IFT122: variants seen among roughly 807,000 people sequenced by gnomAD.
IFT122 encodes the protein intraflagellar transport protein 122 homolog.
IFT122 carries 118 observed loss-of-function variants against 161.6 expected under a neutral mutation model. The observed-to-expected ratio is 0.73, with a 90% CI of 0.63 to 0.85. The LOEUF (loss-of-function observed/expected upper bound fraction) is 0.85, where lower values mean the gene tolerates loss of function less well. IFT122 is among the 40% of genes least tolerant of loss of function. The pLI, the probability that IFT122 is intolerant of heterozygous loss-of-function variation, is 0.00. For synonymous variants in IFT122, 550 were observed against 602.4 expected (o/e 0.91, Z 1.27); for missense variants, 1,381 against 1,579.6 (o/e 0.87, Z 2.13).
At chr3:129,483,915 C>T (rs1021121110) in intron 15 of IFT122, 30 of 591,098 alleles carry the variant, frequency 5.1e-5, no homozygotes, top group Non-Finnish European at 7.3e-5. Flanking sequence ...TTCCTTGTCC[C>T]CTTTCTGTAG....
intron 15 of IFT122, chr3:129,483,950 T>C: frequency 1.9e-6 from 1 of 522,164 alleles, no homozygotes; most frequent in Non-Finnish European, 3.5e-6. Context: ...TGCAGTGTTG[T>C]CAGCAGCGTG....
chr3:129,483,514 C>G lies in IFT122; in HGVS notation c.1683C>G (p.Asn561Lys). ...CAAACGCCAACAGTGTAGCTTGGAACACCCAGTGTGAGGACATGCTCTGCT... is the reference window on the plus strand; with the variant it reads ...CAAACGCCAACAGTGTAGCTTGGAAGACCCAGTGTGAGGACATGCTCTGCT... ...QEPNANSVAW[N>K]TQCEDMLCFS... Residue 561 changes from asparagine (N) to lysine (K), a missense_variant, in exon 15 of 30, where the codon AAC (asparagine) becomes AAG (lysine). Around this residue, in one of 7 missense-constraint regions of IFT122, gnomAD observed 544 missense variants for 648.0 expected, o/e 0.84. Coordinates refer to ENST00000348417, the MANE Select transcript of IFT122 (RefSeq NM_052989.3). 1 of 1,614,052 alleles carries G rather than the reference C, an allele frequency of 6.2e-7. No homozygotes were observed. The highest frequency in any genetic ancestry group is 1.1e-5 in the South Asian group (1 of 91,050).
At chr3:129,510,321 T>C (rs1476303802) in intron 23 of IFT122, among the ~76,000 whole-genome samples, 1 of 152,184 alleles carries the variant, frequency 6.6e-6, no homozygotes, top group African/African-American at 2.4e-5. Flanking sequence ...ATTTTTTGCC[T>C]CTTGGGAAAG....
chr3:129,463,258 G>A (rs1263726899), intron 5 of IFT122: 6 of 351,478 alleles, frequency 1.7e-5, no homozygotes, highest in South Asian at 8.0e-5. Flanking sequence ...CCATCAGCGT[G>A]ACACAGAACT....
In IFT122 at chr3:129,512,892, G is replaced by A. The variant is rs2083003668; in HGVS notation, c.2987+480G>A. 3 of 233,526 alleles carry A rather than the reference G, an allele frequency of 1.3e-5. No homozygotes were observed. The South Asian group carries it at 1.7e-4, about 14-fold the overall frequency. 14.5% of individuals were successfully genotyped at this position (233,526 alleles called of 1,614,324 possible). A position where few individuals can be genotyped will look rare whatever the true frequency, so the allele number is the denominator to read the frequency against. On this transcript the variant is annotated intron_variant, in intron 24 of 29. Transcript: ENST00000348417. ...CAAGTTAGGGTCTGGTTTGGTGGAT[G>A]TGTGCTGTGTCTGAGGGTGGAATGA...
At chr3:129,519,780 TC>T in intron 29 of IFT122, 48 bp downstream of exon 29, 1 of 1,607,712 alleles carries the variant, frequency 6.2e-7, no homozygotes, top group South Asian at 1.1e-5. Flanking sequence ...TGGCCACTTT[TC>T]CCTTGCCCAA....
chr3:129,466,859 G>C (rs1395501781), intron 7 of IFT122, 31 bp from the exon 8 acceptor site: 2 of 1,600,406 alleles, frequency 1.2e-6, no homozygotes, highest in Admixed American at 1.7e-5. Context: ...TCTAGGCAAT[G>C]TAATTTTGAA....
At chr3:129,489,239 T>G (rs1436880209) in intron 16 of IFT122, among the ~76,000 whole-genome samples, 1 of 152,186 alleles carries the variant, frequency 6.6e-6, no homozygotes, top group African/African-American at 2.4e-5. Flanking sequence ...GAGAGGAGAC[T>G]GGACCAGACC....
At chr3:129,508,211 G>A (rs886944635) in intron 23 of IFT122, among the ~76,000 whole-genome samples, 3 of 152,364 alleles carry the variant, frequency 2.0e-5, no homozygotes, top group South Asian at 2.1e-4. Context: ...TGAAACTAGA[G>A]TGTTGGCTTG....
At position 129,476,447 on chromosome 3, in the gene IFT122, G is replaced by A. The variant is rs1163333768; in HGVS notation, c.949G>A (p.Val317Ile). ...CAAGGATGGAGTGCGGCTTGGGACT[G>A]TTGGGGAGCAGAACTCCTGGGTGTG... ...FTKDGVRLGT[V>I]GEQNSWVWTC... The change falls in exon 10 of 30, where the codon GTT becomes ATT. Residue 317 changes from valine (V) to isoleucine (I), a missense_variant. By Grantham distance (29) the Val-to-Ile change is conservative. Coordinates refer to ENST00000348417, the MANE Select transcript of IFT122 (RefSeq NM_052989.3). The A allele has an allele frequency of 6.2e-7, 1 of 1,614,154 alleles. No individual in the cohort carries two copies.
chr3:129,459,726 T>TCCC lies in IFT122; in HGVS notation c.272+1049_272+1050insCCC, dbSNP rs2076011386. 9.6e-5 allele frequency among the ~76,000 whole-genome samples: 5 copies of TCCC among 51,974 alleles called. 1 individual carries two copies. In the East Asian group the frequency reaches 4.1e-3, roughly 43 times the overall value. The allele number at this position is 51,974 out of a possible 152,430, so 34.1% of individuals were successfully genotyped here. On this transcript the variant is annotated intron_variant, in intron 4 of 29. Coordinates refer to ENST00000348417, the MANE Select transcript of IFT122 (RefSeq NM_052989.3). ...CTTCCTTCCTTCCTTCCTTCCTTCC[T>TCCC]TCCCTCCCTCCCTCCCTTCTTCCTT...
At chr3:129,458,742 C>T (rs2075822394) in intron 4 of IFT122, 65 bp downstream of exon 4, 1 of 1,274,094 alleles carries the variant, frequency 7.8e-7, no homozygotes, top group Non-Finnish European at 1.1e-6. Context: ...GCAAAAGCCT[C>T]TTAGAAAAGA....
At chr3:129,504,208 A>T (rs940459141) in intron 20 of IFT122, 111 bp from the exon 21 acceptor site, 2 of 882,262 alleles carry the variant, frequency 2.3e-6, no homozygotes, top group African/African-American at 3.3e-5. Context: ...TCCCCCTCTG[A>T]GTTGTCAGGC....
intron 15 of IFT122, 126 bp downstream of exon 15, chr3:129,483,808 G>A: frequency 1.9e-6 from 2 of 1,067,946 alleles, no homozygotes; most frequent in South Asian, 2.7e-5. Context: ...TGAGGTCGTG[G>A]GAGGCAGTCT....
chr3:129,485,128 A>G (rs1259644955), intron 15 of IFT122, among the ~76,000 whole-genome samples: 1 of 152,092 alleles, frequency 6.6e-6, no homozygotes, highest in Admixed American at 6.5e-5. Flanking sequence ...GCTTTTTTGT[A>G]TTATTGTAAA....
At position 129,464,627 on chromosome 3, in the gene IFT122, G is replaced by A. The variant is rs1042991423; in HGVS notation, c.417-8G>A. 5 of 1,612,678 alleles carry A rather than the reference G, an allele frequency of 3.1e-6. No individual in the cohort carries two copies. Among genetic ancestry groups the A allele is most frequent in the Non-Finnish European group, 2.5e-6 (3 of 1,179,160 alleles). ...TATCCCCATGCCTTTTGTTGGTTGT[G>A]TACACAGCTGGACAAATGATGGTCA... is the stretch of plus-strand genomic sequence containing the variant. On this transcript the variant is annotated splice_polypyrimidine_tract_variant and splice_region_variant and intron_variant, in intron 6 of 29. Coordinates refer to ENST00000348417, the MANE Select transcript of IFT122 (RefSeq NM_052989.3).
At chr3:129,453,962 A>G (rs2075149594) in intron 3 of IFT122, among the ~76,000 whole-genome samples, 3 of 152,238 alleles carry the variant, frequency 2.0e-5, no homozygotes, top group African/African-American at 7.2e-5. Context: ...TCATGTATCA[A>G]ATGGATAACA....
At chr3:129,457,122 G>A (rs998282471) in intron 3 of IFT122, among the ~76,000 whole-genome samples, 4 of 152,034 alleles carry the variant, frequency 2.6e-5, no homozygotes, top group South Asian at 4.1e-4. Flanking sequence ...CTTAATCCTC[G>A]TCTCTCACCA....
intron 15 of IFT122, among the ~76,000 whole-genome samples, chr3:129,485,176 C>T (rs1352690980): frequency 1.3e-5 from 2 of 152,292 alleles, no homozygotes; most frequent in Middle Eastern, 3.4e-3. Flanking sequence ...TGCACCTGTC[C>T]CAACTTGGCG....
Sources: gnomAD v4.1 joint callset for allele counts (sites outside exome capture counted in the v4.1 genomes callset) on GRCh38, gnomAD v4.1.1 for gene constraint, gnomAD v4.1.1 regional missense constraint, MANE v1.5 for transcripts, NCBI Gene and HGNC (gene_info 2026-07-23, HGNC 2026-07-21) for gene names.